COL10A1: variants seen among roughly 807,000 people sequenced by gnomAD.
The protein encoded by COL10A1 is collagen type X alpha 1 chain, also known as collagen alpha-1(X) chain.
Under a neutral mutation model 18.2 loss-of-function variants are expected in COL10A1, and 10 were observed. The observed-to-expected ratio is 0.55, with a 90% confidence interval of 0.34 to 0.93. The LOEUF is 0.93. Ranked by LOEUF, COL10A1 falls within the 40% of genes least tolerant of loss-of-function variation. The probability of loss-of-function intolerance (pLI) is 0.02; values close to 1 mark genes in which losing one functional copy is unlikely to be tolerated. For missense variants in COL10A1, 897 were observed against 853.5 expected (o/e 1.05, Z -0.64); for synonymous variants, 330 against 316.6 (o/e 1.04, Z -0.45).
the COL10A1 span, among the ~76,000 whole-genome samples, chr6:116,165,098 G>GA: frequency 6.6e-3 from 671 of 101,040 alleles, 11 homozygotes; most frequent in Middle Eastern, 0.016. Flanking sequence ...CTCCGTCTCA[G>GA]AAAAAAAAAA....
At chr6:116,214,291 T>C in the COL10A1 span, among the ~76,000 whole-genome samples, 1 of 152,248 alleles carries the variant, frequency 6.6e-6, no homozygotes, top group East Asian at 1.9e-4. Flanking sequence ...TTCTCATATA[T>C]ATCCTTCTTA....
chr6:116,133,593 T>C (rs1334114161), intron 1 of COL10A1, among the ~76,000 whole-genome samples: 1 of 152,124 alleles, frequency 6.6e-6, no homozygotes. Context: ...CGGATACTTA[T>C]GCAGCTATTT....
chr6:116,214,708 A>T, the COL10A1 span, among the ~76,000 whole-genome samples: 1 of 152,122 alleles, frequency 6.6e-6, no homozygotes, highest in Non-Finnish European at 1.5e-5. Context: ...GAAATATCAT[A>T]TTCAAAATGC....
At chr6:116,131,194 C>A (rs574688639) in intron 1 of COL10A1, among the ~76,000 whole-genome samples, 5 of 152,222 alleles carry the variant, frequency 3.3e-5, no homozygotes, top group African/African-American at 9.6e-5. Context: ...AACCCGATCA[C>A]AAAATACCTG....
At chr6:116,134,864 G>A (rs1779551302) in intron 1 of COL10A1, among the ~76,000 whole-genome samples, 1 of 152,164 alleles carries the variant, frequency 6.6e-6, no homozygotes, top group African/African-American at 2.4e-5. Context: ...GGATATAGAT[G>A]TAAGAGGGTA....
chr6:116,135,781 T>C lies in COL10A1; in HGVS notation c.-15-10274A>G, dbSNP rs534211536. 6.2e-5 allele frequency among the ~76,000 whole-genome samples: 9 copies of C among 145,468 alleles called. No homozygotes were observed. The East Asian group carries it at 1.8e-3, about 29-fold the overall frequency. ...AAATTTTTTTTCTGGCTTTATTGAG[T>C]TATAAGTGATAAATTAAAAGTATAT... On this transcript the variant is annotated intron_variant, in intron 1 of 1. Coordinates refer to the COL10A1 transcript ENST00000418500.
chr6:116,163,141 A>AATATATAT (rs1554197063), upstream of COL10A1, among the ~76,000 whole-genome samples: 24 of 88,380 alleles, frequency 2.7e-4, no homozygotes, highest in African/African-American at 1.1e-3. Flanking sequence ...AAAAAAAAAA[A>AATATATAT]ATATATATAT....
the COL10A1 span, among the ~76,000 whole-genome samples, chr6:116,199,199 C>A: frequency 6.6e-6 from 1 of 152,140 alleles, no homozygotes; most frequent in Admixed American, 6.5e-5. Flanking sequence ...CCAGTTGTTT[C>A]TTCTAGATAG....
upstream of COL10A1, among the ~76,000 whole-genome samples, chr6:116,159,457 C>G (rs1414498225): frequency 1.3e-5 from 2 of 152,038 alleles, no homozygotes; most frequent in African/African-American, 4.8e-5. Flanking sequence ...TAAAGTATAC[C>G]ATGCATTATA....
At position 116,120,501 on chromosome 6, in the gene COL10A1, G is replaced by C; in HGVS notation, c.1615C>G (p.Leu539Val). The C allele has an allele frequency of 6.2e-7, 1 of 1,614,206 alleles. No individual in the cohort carries two copies. Among genetic ancestry groups the C allele is most frequent in the African/African-American group, 1.3e-5 (1 of 75,064 alleles). ...GTTACCCCCTGGTTGGCACTAACAA[G>C]AGGGGTCCCAGAAAGACTGGGCCTT... The part of the protein sequence containing the change: ...GQRPSLSGTP[L>V]VSANQGVTGM... Residue 539 changes from leucine to valine, a missense_variant, in exon 3 of 3, where the codon CTT (leucine) becomes GTT (valine). By Grantham distance (32) the Leu-to-Val change is conservative. Coordinates refer to ENST00000651968, the MANE Select transcript of COL10A1 (RefSeq NM_000493.4).
intron 2 of COL10A1, 53 bp downstream of exon 2, chr6:116,125,286 A>T: frequency 6.3e-7 from 1 of 1,586,704 alleles, no homozygotes; most frequent in Non-Finnish European, 8.6e-7. Context: ...TATTAAGATT[A>T]TAGAAAGCAA....
intron 1 of COL10A1, among the ~76,000 whole-genome samples, chr6:116,131,940 C>T (rs1582822981): frequency 6.6e-6 from 1 of 152,096 alleles, no homozygotes; most frequent in Non-Finnish European, 1.5e-5. Context: ...GTGTTCTGTT[C>T]CTGTATTAGT....
chr6:116,130,194 T>C (rs140137464), upstream of COL10A1, among the ~76,000 whole-genome samples: 75 of 152,278 alleles, frequency 4.9e-4, 2 homozygotes, highest in East Asian at 0.014. Flanking sequence ...AAGTACAGTG[T>C]GTATAGAAAA....
At chr6:116,209,317 A>G in the COL10A1 span, among the ~76,000 whole-genome samples, 12 of 151,896 alleles carry the variant, frequency 7.9e-5, no homozygotes, top group African/African-American at 2.9e-4. Flanking sequence ...TGGTTTGCCA[A>G]CCTCTGGTCT....
At chr6:116,160,498 T>G (rs1780301102), upstream of COL10A1, among the ~76,000 whole-genome samples, 1 of 152,226 alleles carries the variant, frequency 6.6e-6, no homozygotes, top group African/African-American at 2.4e-5. Context: ...TTGTTTAACT[T>G]CTTTACAGAT....
intron 1 of COL10A1, among the ~76,000 whole-genome samples, chr6:116,158,267 A>G (rs192643559): frequency 6.6e-6 from 1 of 152,216 alleles, no homozygotes; most frequent in African/African-American, 2.4e-5. Context: ...CGATGAAGAT[A>G]CATGGCATTT....
the COL10A1 span, among the ~76,000 whole-genome samples, chr6:116,189,852 C>A: frequency 6.6e-6 from 1 of 151,954 alleles, no homozygotes; most frequent in Non-Finnish European, 1.5e-5. Flanking sequence ...TAAATGCTTC[C>A]GTTCAGGGGA....
chr6:116,184,836 T>C, the COL10A1 span, among the ~76,000 whole-genome samples: 1 of 152,112 alleles, frequency 6.6e-6, no homozygotes, highest in Non-Finnish European at 1.5e-5. Flanking sequence ...AACCAGCTTT[T>C]TGTTATATTA....
intron 1 of COL10A1, among the ~76,000 whole-genome samples, chr6:116,148,458 A>G (rs750196129): frequency 1.3e-5 from 2 of 152,188 alleles, no homozygotes; most frequent in African/African-American, 4.8e-5. Flanking sequence ...TGATCCTAAA[A>G]TTACAGTTAA....
Sources: allele counts gnomAD v4.1 joint callset (sites outside exome capture counted in the v4.1 genomes callset), GRCh38; gene constraint gnomAD v4.1.1; transcripts MANE v1.5; gene names NCBI Gene and HGNC (gene_info 2026-07-23, HGNC 2026-07-21).